STK31: variants seen among roughly 807,000 people sequenced by gnomAD.
STK31 encodes the protein serine/threonine-protein kinase 31.
A neutral mutation model predicts 129.7 loss-of-function variants in STK31; 89 were observed. The observed-to-expected ratio is 0.69, with a 90% confidence interval of 0.58 to 0.82. The LOEUF (loss-of-function observed/expected upper bound fraction) is 0.82, where lower values mean the gene tolerates loss of function less well. Ranked by LOEUF, STK31 falls within the 40% of genes least tolerant of loss-of-function variation. The probability of loss-of-function intolerance (pLI) is 0.00; values close to 1 mark genes in which losing one functional copy is unlikely to be tolerated. For synonymous variants in STK31, 448 were observed against 395.3 expected (o/e 1.13, Z -1.58); for missense variants, 1,187 against 1,176.4 (o/e 1.01, Z -0.13).
chr7:23,798,395 A>G (rs919475333), intron 22 of STK31, among the ~76,000 whole-genome samples: 3 of 149,660 alleles, frequency 2.0e-5, no homozygotes, highest in Admixed American at 1.4e-4. Flanking sequence ...CAAAAAGCTT[A>G]TCCACAACAA....
At chr7:23,779,060 T>C (rs1378101033) in intron 15 of STK31, among the ~76,000 whole-genome samples, 1 of 152,228 alleles carries the variant, frequency 6.6e-6, no homozygotes, top group East Asian at 1.9e-4. Context: ...TGCTATTCCT[T>C]TCTGTTTGTT....
chr7:23,808,862 T>C (rs1792890886), intron 22 of STK31, among the ~76,000 whole-genome samples: 2 of 152,010 alleles, frequency 1.3e-5, no homozygotes, highest in African/African-American at 4.8e-5. Context: ...TAGGGTATAT[T>C]ACCTATTACA....
intron 3 of STK31, among the ~76,000 whole-genome samples, chr7:23,712,957 G>A (rs949148815): frequency 2.0e-5 from 3 of 152,150 alleles, no homozygotes; most frequent in Non-Finnish European, 2.9e-5. Context: ...ACTCCTTTTG[G>A]TGGGGGGTGA....
chr7:23,746,455 T>C (rs939622373), intron 8 of STK31, among the ~76,000 whole-genome samples: 1 of 152,230 alleles, frequency 6.6e-6, no homozygotes, highest in African/African-American at 2.4e-5. Flanking sequence ...CATTTCTCTC[T>C]TAGATGATCT....
At chr7:23,785,369 A>G in intron 17 of STK31, 109 bp from the exon 18 acceptor site, 5 of 1,440,578 alleles carry the variant, frequency 3.5e-6, no homozygotes, top group Non-Finnish European at 4.7e-6. Flanking sequence ...TTTTTCCAGT[A>G]CAGTTGATGG....
intron 17 of STK31, among the ~76,000 whole-genome samples, chr7:23,785,218 T>G (rs1791195113): frequency 6.6e-6 from 1 of 152,204 alleles, no homozygotes; most frequent in Non-Finnish European, 1.5e-5. Flanking sequence ...GATGCATGTC[T>G]GGTTGATTCT....
intron 6 of STK31, among the ~76,000 whole-genome samples, chr7:23,731,453 G>A (rs1787428745): frequency 6.6e-6 from 1 of 152,164 alleles, no homozygotes; most frequent in African/African-American, 2.4e-5. Context: ...TACAAGCTTA[G>A]TGAGTTTGGT....
At chr7:23,769,815 G>A in intron 13 of STK31, 59 bp downstream of exon 13, 1 of 1,134,850 alleles carries the variant, frequency 8.8e-7, no homozygotes, top group Non-Finnish European at 1.3e-6. Flanking sequence ...TCCTTTCATG[G>A]TTAGAAAGTA....
At chr7:23,783,703 G>T in intron 17 of STK31, 40 bp downstream of exon 17, 1 of 1,490,294 alleles carries the variant, frequency 6.7e-7, no homozygotes, top group Non-Finnish European at 9.2e-7. Flanking sequence ...CTCTTCAGAG[G>T]GTGTTGAAAA....
chr7:23,754,281 T>C (rs1399637932), intron 9 of STK31, 34 bp from the exon 10 acceptor site: 5 of 1,593,044 alleles, frequency 3.1e-6, no homozygotes, highest in Non-Finnish European at 3.4e-6. Context: ...TTCTAATTTA[T>C]TGATCTTCTT....
intron 6 of STK31, among the ~76,000 whole-genome samples, chr7:23,730,012 G>T (rs547600949): frequency 1.1e-4 from 17 of 152,266 alleles, no homozygotes; most frequent in South Asian, 4.1e-4. Flanking sequence ...ATTGGCAGTG[G>T]ATGTTTTGCT....
intron 23 of STK31, among the ~76,000 whole-genome samples, chr7:23,824,647 G>C (rs1027743226): frequency 4.6e-5 from 7 of 152,184 alleles, no homozygotes; most frequent in African/African-American, 9.7e-5. Flanking sequence ...GAATAGGAGT[G>C]GTGAGAGAGG....
chr7:23,831,025 G>T (rs1794513574), intron 23 of STK31, among the ~76,000 whole-genome samples: 1 of 152,122 alleles, frequency 6.6e-6, no homozygotes, highest in African/African-American at 2.4e-5. Flanking sequence ...AACATTTTTT[G>T]AGCTTTGTTT....
intron 10 of STK31, among the ~76,000 whole-genome samples, chr7:23,757,229 A>G (rs1342364538): frequency 6.6e-6 from 1 of 152,116 alleles, no homozygotes; most frequent in African/African-American, 2.4e-5. Flanking sequence ...CAGCCCCTGC[A>G]CACCTGTGGG....
intron 6 of STK31, among the ~76,000 whole-genome samples, chr7:23,732,453 A>G (rs1237903587): frequency 6.6e-6 from 1 of 152,164 alleles, no homozygotes; most frequent in Non-Finnish European, 1.5e-5. Flanking sequence ...TAAAACACCC[A>G]TGTATCATAT....
chr7:23,790,974 C>CAT (rs745716638), intron 22 of STK31, 28 bp downstream of exon 22: 1,144 of 1,431,316 alleles, frequency 8.0e-4, no homozygotes, highest in South Asian at 1.1e-3. Flanking sequence ...TGAAATAGAT[C>CAT]ATATATATAT....
intron 15 of STK31, among the ~76,000 whole-genome samples, chr7:23,777,798 G>T (rs559773248): frequency 1.3e-5 from 2 of 152,120 alleles, no homozygotes; most frequent in East Asian, 3.9e-4. Flanking sequence ...CAATTTGCCA[G>T]TCCTTGTCTT....
chr7:23,773,420 A>G (rs1389467250), intron 15 of STK31, among the ~76,000 whole-genome samples: 2 of 151,982 alleles, frequency 1.3e-5, no homozygotes, highest in African/African-American at 4.8e-5. Flanking sequence ...TATGTGCCAC[A>G]TTTTCTTTAT....
At chr7:23,829,014 C>T (rs544370217) in intron 23 of STK31, among the ~76,000 whole-genome samples, 2 of 152,096 alleles carry the variant, frequency 1.3e-5, no homozygotes, top group African/African-American at 4.8e-5. Context: ...GTTCTCTTGC[C>T]TCAGCCTTGC....
Sources: gnomAD v4.1 joint callset for allele counts (sites outside exome capture counted in the v4.1 genomes callset) on GRCh38, gnomAD v4.1.1 for gene constraint, MANE v1.5 for transcripts, NCBI Gene and HGNC (gene_info 2026-07-23, HGNC 2026-07-21) for gene names.